GRM3: variants seen among roughly 807,000 people sequenced by gnomAD.
GRM3 encodes glutamate metabotropic receptor 3, also known as metabotropic glutamate receptor 3.
Under a neutral mutation model 70.5 loss-of-function variants are expected in GRM3, and 26 were observed. That is an observed-to-expected ratio of 0.37 (90% CI 0.27 to 0.51). The LOEUF is 0.51. Among genes scored for constraint, GRM3 ranks in the 20% least tolerant of loss-of-function variants. The pLI, the probability that GRM3 is intolerant of heterozygous loss-of-function variation, is 0.93. For synonymous variants in GRM3, 443 were observed against 434.9 expected (o/e 1.02, Z -0.23); for missense variants, 859 against 1,123.8 (o/e 0.76, Z 3.37).
chr7:86,720,171 A>T (rs1795422969), intron 1 of GRM3, among the ~76,000 whole-genome samples: 1 of 152,036 alleles, frequency 6.6e-6, no homozygotes, highest in African/African-American at 2.4e-5. Flanking sequence ...AATAAGTCAG[A>T]AAACAGATCA....
rs187190744 is a variant in GRM3, at chr7:86,824,098, T to C, written c.1325-14741T>C. ...CAGTTCTGAGAAGCTAGTTCCTCTG[T>C]CAGTCAGCCAGTGAAGGTAGAACTC... is the stretch of plus-strand genomic sequence containing the variant. On this transcript the variant is annotated intron_variant, in intron 3 of 5. Transcript: ENST00000361669. 4.2e-3 allele frequency among the ~76,000 whole-genome samples: 633 copies of C among 152,224 alleles called. 9 individuals are homozygous for C. Among genetic ancestry groups the C allele is most frequent in the African/African-American group, 0.015 (604 of 41,504 alleles).
intron 1 of GRM3, among the ~76,000 whole-genome samples, chr7:86,737,101 A>G (rs1463699629): frequency 6.6e-6 from 1 of 152,190 alleles, no homozygotes; most frequent in African/African-American, 2.4e-5. Context: ...CTCAGCTGCT[A>G]GGTAAGATTT....
intron 1 of GRM3, among the ~76,000 whole-genome samples, chr7:86,664,400 A>G (rs889218988): frequency 6.6e-6 from 1 of 152,012 alleles, no homozygotes. Context: ...TTCAGGACAT[A>G]TATAATGAAT....
chr7:86,740,293 T>C (rs554923544), intron 1 of GRM3, among the ~76,000 whole-genome samples: 3 of 152,296 alleles, frequency 2.0e-5, no homozygotes, highest in Non-Finnish European at 2.9e-5. Flanking sequence ...TAAGTGTATC[T>C]AGTCCTTAGA....
intron 1 of GRM3, among the ~76,000 whole-genome samples, chr7:86,650,856 GA>G (rs1173291658): frequency 6.6e-6 from 1 of 152,080 alleles, no homozygotes; most frequent in Non-Finnish European, 1.5e-5. Context: ...TTCCCACCAG[GA>G]AAACAAGCTG....
intron 3 of GRM3, among the ~76,000 whole-genome samples, chr7:86,811,872 TAAATGAG>T (rs774178611): frequency 4.2e-4 from 64 of 151,836 alleles, no homozygotes; most frequent in Admixed American, 1.8e-3. Flanking sequence ...ACTCATTTGT[TAAATGAG>T]AAAGCTAGTG....
intron 2 of GRM3, chr7:86,784,785 T>C (rs1244219783): frequency 6.6e-6 from 1 of 152,236 alleles, no homozygotes; most frequent in Non-Finnish European, 1.5e-5. Flanking sequence ...CATTATATTG[T>C]GTGTTAAGCC....
chr7:86,810,481 TAACAA>T (rs1452263685), intron 3 of GRM3, among the ~76,000 whole-genome samples: 1 of 152,002 alleles, frequency 6.6e-6, no homozygotes, highest in East Asian at 1.9e-4. Flanking sequence ...TCACTGAAAA[TAACAA>T]GGTAATCTTA....
intron 1 of GRM3, among the ~76,000 whole-genome samples, chr7:86,665,777 T>G (rs1278199470): frequency 1.3e-5 from 2 of 151,988 alleles, no homozygotes; most frequent in East Asian, 1.9e-4. Flanking sequence ...ATGCAGAAAA[T>G]TTCCTGGCTT....
chr7:86,863,645 C>T lies in GRM3; in HGVS notation c.2567-637C>T, dbSNP rs1267847151. Among the ~76,000 whole-genome samples the T allele has an allele frequency of 3.3e-5, 5 of 152,164 alleles. No homozygotes were observed. In the East Asian group the frequency reaches 9.6e-4, roughly 29 times the overall value. On this transcript the variant is annotated intron_variant, in intron 5 of 5. Coordinates refer to ENST00000361669, the MANE Select transcript of GRM3 (RefSeq NM_000840.3). ...AAATATATCAAACCAGTCTCTAAGG[C>T]AGTGGAGTTCACAGATGACTCACGG...
intron 1 of GRM3, among the ~76,000 whole-genome samples, chr7:86,671,543 C>T (rs751523082): frequency 3.6e-4 from 55 of 152,302 alleles, no homozygotes; most frequent in Middle Eastern, 3.4e-3. Flanking sequence ...TAGGCTCCAT[C>T]TTACTCACCA....
chr7:86,826,851 C>T (rs529202552), intron 3 of GRM3, among the ~76,000 whole-genome samples: 82 of 152,244 alleles, frequency 5.4e-4, no homozygotes, highest in Non-Finnish European at 1.0e-3. Flanking sequence ...GGCTGCAATT[C>T]CCCCGCCCCC....
intron 3 of GRM3, among the ~76,000 whole-genome samples, chr7:86,789,045 A>G (rs1018165118): frequency 2.6e-5 from 4 of 152,218 alleles, no homozygotes; most frequent in Non-Finnish European, 5.9e-5. Flanking sequence ...TTATTTGGAT[A>G]AACAAAACAA....
chr7:86,750,911 C>T (rs1174589294), intron 1 of GRM3, among the ~76,000 whole-genome samples: 1 of 151,988 alleles, frequency 6.6e-6, no homozygotes, highest in Non-Finnish European at 1.5e-5. Flanking sequence ...ATAATTTAAA[C>T]CAACTTTCAA....
chr7:86,715,709 T>C (rs1382683523), intron 1 of GRM3, among the ~76,000 whole-genome samples: 1 of 152,022 alleles, frequency 6.6e-6, no homozygotes, highest in African/African-American at 2.4e-5. Flanking sequence ...GGACCAAAGC[T>C]ACCTTCAGCC....
chr7:86,700,133 T>A (rs888487418), intron 1 of GRM3, among the ~76,000 whole-genome samples: 9 of 151,984 alleles, frequency 5.9e-5, no homozygotes, highest in Non-Finnish European at 1.3e-4. Flanking sequence ...ATGAAACTGA[T>A]ATATAATAGT....
chr7:86,676,115 C>T (rs1794300154), intron 1 of GRM3, among the ~76,000 whole-genome samples: 1 of 151,100 alleles, frequency 6.6e-6, no homozygotes, highest in Admixed American at 6.6e-5. Context: ...TTTTTTTCCC[C>T]TCAAGCTAAA....
chr7:86,810,539 A>G (rs1049961769), intron 3 of GRM3, among the ~76,000 whole-genome samples: 7 of 152,020 alleles, frequency 4.6e-5, no homozygotes, highest in East Asian at 1.9e-4. Flanking sequence ...TAATATATTG[A>G]CCAAAAACAT....
intron 2 of GRM3, among the ~76,000 whole-genome samples, chr7:86,785,685 A>ATTTTTTTTTTTTTTTTTTTTTTTT (rs749456155): frequency 4.6e-5 from 3 of 65,232 alleles, no homozygotes; most frequent in African/African-American, 1.1e-4. Flanking sequence ...AATAGAATTG[A>ATTTTTTTTTTTTTTTTTTTTTTTT]TTTTTTTTTT....
Sources: gnomAD v4.1 joint callset for allele counts (sites outside exome capture counted in the v4.1 genomes callset) on GRCh38, gnomAD v4.1.1 for gene constraint, MANE v1.5 for transcripts, NCBI Gene and HGNC (gene_info 2026-07-23, HGNC 2026-07-21) for gene names.